MAGI2: variants seen among roughly 807,000 people sequenced by gnomAD.
MAGI2 encodes membrane-associated guanylate kinase, WW and PDZ domain-containing protein 2.
In MAGI2, 35 loss-of-function variants were observed where a neutral mutation model predicts 133.3. That is an observed-to-expected ratio of 0.26 (90% confidence interval 0.20 to 0.35). The LOEUF is 0.35. Among genes scored for constraint, MAGI2 ranks in the 10% least tolerant of loss-of-function variants. The pLI is 1.00. For missense variants in MAGI2, 1,636 were observed against 1,863.4 expected (o/e 0.88, Z 2.25); for synonymous variants, 729 against 710.6 (o/e 1.03, Z -0.41).
At chr7:78,365,084 G>A (rs1345334726) in intron 7 of MAGI2, among the ~76,000 whole-genome samples, 2 of 151,772 alleles carry the variant, frequency 1.3e-5, no homozygotes, top group African/African-American at 4.8e-5. Flanking sequence ...ATCCAAATGA[G>A]GGCCAACATT....
chr7:78,687,540 T>C (rs900624384), intron 2 of MAGI2, among the ~76,000 whole-genome samples: 7 of 152,192 alleles, frequency 4.6e-5, no homozygotes, highest in African/African-American at 1.7e-4. Flanking sequence ...CATAATTTCC[T>C]AGTACTTTGT....
chr7:78,706,369 C>A (rs548646892), intron 2 of MAGI2, among the ~76,000 whole-genome samples: 1 of 150,120 alleles, frequency 6.7e-6, no homozygotes, highest in East Asian at 2.0e-4. Flanking sequence ...TTTCACCCCC[C>A]GCCATGATTC....
intron 2 of MAGI2, among the ~76,000 whole-genome samples, chr7:78,965,002 C>G (rs919422802): frequency 1.3e-5 from 2 of 151,702 alleles, no homozygotes; most frequent in Admixed American, 6.6e-5. Flanking sequence ...AACTTAAAAA[C>G]CAGATTAGTG....
chr7:78,540,221 T>C (rs1798299265), intron 3 of MAGI2, among the ~76,000 whole-genome samples: 2 of 152,202 alleles, frequency 1.3e-5, no homozygotes, highest in African/African-American at 2.4e-5. Flanking sequence ...GTTAGGCCTG[T>C]CTGAGCTCAG....
chr7:78,133,522 G>C (rs1033545021), intron 17 of MAGI2, among the ~76,000 whole-genome samples: 2 of 152,128 alleles, frequency 1.3e-5, no homozygotes, highest in African/African-American at 4.8e-5. Context: ...CTCATCCCTT[G>C]TCAGTCTTAT....
intron 2 of MAGI2, among the ~76,000 whole-genome samples, chr7:78,942,151 C>T (rs1563689145): frequency 6.6e-6 from 1 of 152,124 alleles, no homozygotes; most frequent in Admixed American, 6.6e-5. Context: ...GTAGCTTGAT[C>T]CCAACAATAG....
intron 12 of MAGI2, among the ~76,000 whole-genome samples, chr7:78,193,407 A>T (rs1828422781): frequency 2.0e-5 from 3 of 152,192 alleles, no homozygotes; most frequent in African/African-American, 7.2e-5. Flanking sequence ...ATTTGTTTAC[A>T]TTCATTATTC....
At chr7:78,083,515 T>C (rs1816286053) in intron 20 of MAGI2, among the ~76,000 whole-genome samples, 1 of 151,546 alleles carries the variant, frequency 6.6e-6, no homozygotes, top group African/African-American at 2.4e-5. Context: ...GTCAAGGAAA[T>C]GCCAAATTTA....
At chr7:79,043,067 G>C (rs1050532967) in intron 1 of MAGI2, among the ~76,000 whole-genome samples, 1 of 151,826 alleles carries the variant, frequency 6.6e-6, no homozygotes, top group Non-Finnish European at 1.5e-5. Flanking sequence ...AGAATCTCTG[G>C]GACACAGCTA....
chr7:79,077,782 G>A (rs1815665178), intron 1 of MAGI2, among the ~76,000 whole-genome samples: 1 of 151,714 alleles, frequency 6.6e-6, no homozygotes. Context: ...AAATTTTAAT[G>A]GTTACCTAGC....
At chr7:79,170,611 T>C (rs1289966924) in intron 1 of MAGI2, among the ~76,000 whole-genome samples, 1 of 152,130 alleles carries the variant, frequency 6.6e-6, no homozygotes, top group Non-Finnish European at 1.5e-5. Flanking sequence ...TCTGGATAAA[T>C]GAGTGGTTTA....
intron 1 of MAGI2, among the ~76,000 whole-genome samples, chr7:79,210,716 C>T (rs1253414342): frequency 6.6e-6 from 1 of 152,076 alleles, no homozygotes; most frequent in Non-Finnish European, 1.5e-5. Context: ...CTACCTTATT[C>T]TATTTTTTCT....
At chr7:78,813,986 T>A (rs1563536786) in intron 2 of MAGI2, among the ~76,000 whole-genome samples, 2 of 152,228 alleles carry the variant, frequency 1.3e-5, no homozygotes, top group Non-Finnish European at 2.9e-5. Flanking sequence ...ACCCCTTCTA[T>A]TCCACATTAC....
intron 20 of MAGI2, among the ~76,000 whole-genome samples, chr7:78,082,935 G>A (rs1292884183): frequency 6.6e-6 from 1 of 151,914 alleles, no homozygotes; most frequent in Non-Finnish European, 1.5e-5. Flanking sequence ...ATTTTAACTG[G>A]AACTCCCTAA....
At chr7:78,908,224 G>T (rs1461695666) in intron 2 of MAGI2, among the ~76,000 whole-genome samples, 1 of 152,134 alleles carries the variant, frequency 6.6e-6, no homozygotes, top group Non-Finnish European at 1.5e-5. Context: ...GTAAAAAGGA[G>T]GGAAACTAAC....
intron 20 of MAGI2, among the ~76,000 whole-genome samples, chr7:78,098,476 TAA>T (rs1385669711): frequency 1.3e-5 from 2 of 152,182 alleles, no homozygotes; most frequent in Non-Finnish European, 2.9e-5. Context: ...CTCTATTATA[TAA>T]AGTCTACAGT....
chr7:79,082,002 G>A (rs981840731), intron 1 of MAGI2, among the ~76,000 whole-genome samples: 1 of 152,050 alleles, frequency 6.6e-6, no homozygotes, highest in Non-Finnish European at 1.5e-5. Flanking sequence ...GAATTACCGA[G>A]TCATAGGGTA....
chr7:78,146,076 T>A (rs1823283038), intron 16 of MAGI2, among the ~76,000 whole-genome samples: 1 of 152,200 alleles, frequency 6.6e-6, no homozygotes, highest in African/African-American at 2.4e-5. Context: ...TTATTTCTTT[T>A]ATTTTCTTTC....
intron 2 of MAGI2, among the ~76,000 whole-genome samples, chr7:78,961,927 G>A (rs760560962): frequency 2.0e-5 from 3 of 151,950 alleles, no homozygotes; most frequent in Non-Finnish European, 2.9e-5. Flanking sequence ...ATATGGTATA[G>A]CCTATTGCTC....
Sources: gnomAD v4.1 joint callset for allele counts (sites outside exome capture counted in the v4.1 genomes callset) on GRCh38, gnomAD v4.1.1 for gene constraint, MANE v1.5 for transcripts, NCBI Gene and HGNC (gene_info 2026-07-23, HGNC 2026-07-21) for gene names.